EPB41: variants seen among roughly 807,000 people sequenced by gnomAD.
The protein encoded by EPB41 is protein 4.1.
Under a neutral mutation model 108.0 loss-of-function variants are expected in EPB41, and 65 were observed. That is an observed-to-expected ratio of 0.60 (90% CI 0.49 to 0.74). The LOEUF (loss-of-function observed/expected upper bound fraction) is 0.74. Ranked by LOEUF, EPB41 falls within the 30% of genes least tolerant of loss-of-function variation. The pLI is 0.00. For synonymous variants in EPB41, 336 were observed against 358.9 expected (o/e 0.94, Z 0.72); for missense variants, 875 against 1,037.0 (o/e 0.84, Z 2.15).
chr1:28,974,790 T>G (rs964186905), intron 1 of EPB41, among the ~76,000 whole-genome samples: 1 of 147,706 alleles, frequency 6.8e-6, no homozygotes, highest in Non-Finnish European at 1.5e-5. Context: ...AGTTTTTCAG[T>G]TTTGTTTTTG....
At chr1:28,930,548 G>A (rs545568348) in intron 1 of EPB41, among the ~76,000 whole-genome samples, 1 of 151,558 alleles carries the variant, frequency 6.6e-6, no homozygotes, top group South Asian at 2.1e-4. Context: ...GCAGTGGCAC[G>A]ATCTTGACTC....
At chr1:29,053,707 C>A in intron 12 of EPB41, 1 of 184,524 alleles carries the variant, frequency 5.4e-6, no homozygotes, top group Non-Finnish European at 1.1e-5. Flanking sequence ...CTACAGGCGC[C>A]CGCCACCATG....
At chr1:28,974,373 A>G (rs576678117) in intron 1 of EPB41, among the ~76,000 whole-genome samples, 2 of 152,322 alleles carry the variant, frequency 1.3e-5, no homozygotes, top group South Asian at 4.1e-4. Context: ...CTGTTGGGGC[A>G]TGTTCTGTCA....
chr1:28,947,283 C>T (rs1287647524), intron 1 of EPB41, among the ~76,000 whole-genome samples: 1 of 150,050 alleles, frequency 6.7e-6, no homozygotes, highest in Non-Finnish European at 1.5e-5. Context: ...TGGCGCGCGC[C>T]TGTAGTCCCA....
At chr1:29,081,021 G>C (rs998887430) in intron 16 of EPB41, among the ~76,000 whole-genome samples, 1 of 152,072 alleles carries the variant, frequency 6.6e-6, no homozygotes, top group Non-Finnish European at 1.5e-5. Flanking sequence ...GTTTTCAGCC[G>C]ATCAGCAAGA....
chr1:28,987,185 G>A (rs2095887644), intron 1 of EPB41, among the ~76,000 whole-genome samples: 1 of 152,076 alleles, frequency 6.6e-6, no homozygotes, highest in Admixed American at 6.6e-5. Flanking sequence ...TGGCCTCCGT[G>A]GGTACTATTT....
intron 16 of EPB41, among the ~76,000 whole-genome samples, chr1:29,077,632 TG>T (rs1308802461): frequency 6.6e-6 from 1 of 152,212 alleles, no homozygotes; most frequent in Admixed American, 6.5e-5. Context: ...CAAACTCTTA[TG>T]GGTTTTGATA....
chr1:29,015,632 A>G (rs774775309), intron 5 of EPB41, 60 bp from the exon 6 acceptor site: 77 of 980,162 alleles, frequency 7.9e-5, no homozygotes, highest in Non-Finnish European at 1.2e-4. Context: ...ATTTTGAGGT[A>G]CTTCCAACAA....
chr1:29,069,338 A>G, intron 16 of EPB41: 1 of 1,231,238 alleles, frequency 8.1e-7, no homozygotes, highest in East Asian at 3.2e-5. Context: ...CAGAAATTGC[A>G]GGGGGAATAA....
In EPB41 at chr1:29,021,694, T is replaced by C. The variant is rs559334689; in HGVS notation, c.1124+3252T>C. ...GTCTCCCGGGTTCACATCATTCTCC[T>C]GCCTCGGCCTCCTGAGTATCTGGGA... On this transcript the variant is annotated intron_variant, in intron 7 of 20. Transcript: ENST00000343067. Among the ~76,000 whole-genome samples the C allele has an allele frequency of 3.3e-3, 500 of 152,006 alleles. 6 individuals are homozygous for C. Among genetic ancestry groups the C allele is most frequent in the African/African-American group, 0.011 (470 of 41,458 alleles).
chr1:28,932,403 A>G (rs2093793926), intron 1 of EPB41, among the ~76,000 whole-genome samples: 1 of 128 alleles, frequency 7.8e-3, no homozygotes, highest in Non-Finnish European at 0.015. Flanking sequence ...GATTACAGGC[A>G]TGAGCATCAT....
chr1:28,928,215 A>G (rs913548470), intron 1 of EPB41, among the ~76,000 whole-genome samples: 6 of 152,070 alleles, frequency 3.9e-5, no homozygotes, highest in Non-Finnish European at 5.9e-5. Flanking sequence ...TTGACCCACA[A>G]CACATATGTT....
intron 1 of EPB41, among the ~76,000 whole-genome samples, chr1:28,977,043 G>A (rs1352000048): frequency 1.3e-5 from 2 of 152,012 alleles, no homozygotes; most frequent in Admixed American, 1.3e-4. Flanking sequence ...AGTACAGACA[G>A]AGTTTCACCA....
chr1:28,970,361 A>T (rs994880810), intron 1 of EPB41, among the ~76,000 whole-genome samples: 2 of 152,190 alleles, frequency 1.3e-5, no homozygotes, highest in African/African-American at 4.8e-5. Flanking sequence ...GTCTTATGGT[A>T]TTTGAGTTTC....
chr1:29,100,498 C>T (rs995474413), intron 17 of EPB41, among the ~76,000 whole-genome samples: 4 of 146,914 alleles, frequency 2.7e-5, no homozygotes, highest in Non-Finnish European at 4.5e-5. Context: ...AATAAAAGCA[C>T]GTGCATTGCA....
chr1:29,093,340 A>G (rs1445897749), intron 16 of EPB41, among the ~76,000 whole-genome samples: 2 of 152,164 alleles, frequency 1.3e-5, no homozygotes, highest in African/African-American at 2.4e-5. Flanking sequence ...TGTTGGCCAC[A>G]TGCATGTCTT....
At chr1:28,942,410 A>G (rs1412836657) in intron 1 of EPB41, among the ~76,000 whole-genome samples, 1 of 152,234 alleles carries the variant, frequency 6.6e-6, no homozygotes, top group Admixed American at 6.5e-5. Context: ...TTTGGGTTCA[A>G]TCAGTTTGCT....
chr1:28,994,995 A>ATTTTTTTTTTT, intron 3 of EPB41, among the ~76,000 whole-genome samples: 2 of 119,304 alleles, frequency 1.7e-5, no homozygotes, highest in South Asian at 3.4e-4. Flanking sequence ...TGCAAATGTA[A>ATTTTTTTTTTT]ATATGTTCAA....
intron 17 of EPB41, among the ~76,000 whole-genome samples, chr1:29,102,457 T>C (rs893354350): frequency 4.6e-5 from 7 of 152,156 alleles, no homozygotes; most frequent in Non-Finnish European, 1.0e-4. Flanking sequence ...AAACGTATAG[T>C]GGCCCCTGAT....
Sources: gnomAD v4.1 joint callset for allele counts (sites outside exome capture counted in the v4.1 genomes callset) on GRCh38, gnomAD v4.1.1 for gene constraint, MANE v1.5 for transcripts, NCBI Gene and HGNC (gene_info 2026-07-23, HGNC 2026-07-21) for gene names.